Variants in COMMD2 observed in about 807,000 individuals in gnomAD.
COMMD2 encodes COMM domain containing 2.
Under a neutral mutation model 22.5 loss-of-function variants are expected in COMMD2, and 25 were observed. That is an observed-to-expected ratio of 1.11 (90% CI 0.81 to 1.55). The LOEUF is 1.55. COMMD2 is among the 40% of genes most tolerant of loss of function. COMMD2 has a pLI of 0.00. For missense variants in COMMD2, 223 were observed against 232.9 expected (o/e 0.96, Z 0.28); for synonymous variants, 98 against 91.2 (o/e 1.07, Z -0.42).
At position 149,752,212 on chromosome 3, in the gene COMMD2, G is replaced by C; in HGVS notation, c.143C>G (p.Ala48Gly). 1 of 1,613,716 alleles carries C rather than the reference G, an allele frequency of 6.2e-7. No homozygotes were observed. Among genetic ancestry groups the C allele is most frequent in the Non-Finnish European group, 8.5e-7 (1 of 1,179,740 alleles). The change falls in exon 2 of 5, where the codon GCC (alanine) becomes GGC (glycine). Residue 48 changes from alanine (A) to glycine (G), a missense_variant and splice_region_variant. Physicochemically the swap from Ala to Gly is moderately conservative, Grantham distance 60. Transcript: ENST00000473414. ...AGCCTTCCCCTTTCCCTTCTTACTG[G>C]CGGCGCCTTCGTAGATTTTTGGGTT... The part of the protein sequence containing the change: ...GANPKIYEGA[A>G]RKLNVSSDTV...
chr3:149,743,245 T>C (rs1269942538), intron 4 of COMMD2, among the ~76,000 whole-genome samples: 2 of 152,102 alleles, frequency 1.3e-5, no homozygotes, highest in African/African-American at 4.8e-5. Flanking sequence ...CACAAAACTA[T>C]AAACAATGAC....
In COMMD2 at chr3:149,751,443, T is replaced by C; in HGVS notation, c.188A>G (p.Glu63Gly). The change falls in exon 3 of 5, where the codon GAA (glutamate) becomes GGA (glycine). Residue 63 changes from glutamate to glycine, a missense_variant. By Grantham distance (98) the Glu-to-Gly change is moderately conservative. Transcript: ENST00000473414. ...VSSDTVQHGV[E>G]GLTYLLTESS... ...CTCAGTGAGGAGATACGTTAATCCT[T>C]CCACACCATGCTGGACAGTGTCACT... The C allele has an allele frequency of 6.2e-7, 1 of 1,613,984 alleles. No individual in the cohort carries two copies. Among genetic ancestry groups the C allele is most frequent in the Non-Finnish European group, 8.5e-7 (1 of 1,179,968 alleles).
In COMMD2 at chr3:149,750,706, T is replaced by A. The variant is rs1265199981; in HGVS notation, c.374A>T (p.His125Leu). 2 of 1,590,362 alleles carry A rather than the reference T, an allele frequency of 1.3e-6. No homozygotes were observed. ...SELAPSLPSY[H>L]NLEWRLDVQL... ...TACATCTAGTCGCCATTCAAGGTTA[T>A]GATAACTGGGAAGGCTTGGTGCCAA... The change falls in exon 4 of 5, where the codon CAT (histidine) becomes CTT (leucine). Residue 125 changes from histidine (H) to leucine (L), a missense_variant. Physicochemically the swap from His to Leu is moderately conservative, Grantham distance 99. Coordinates refer to ENST00000473414, the MANE Select transcript of COMMD2 (RefSeq NM_016094.4).
rs1716174129 is a variant in COMMD2, at chr3:149,740,234, G to C, written c.*1287C>G. ...AGGCTGACCTGACAAATCAGCACCT[G>C]AGTTTTTCAGACCAAAAGCTTTTGG... On this transcript the variant is annotated 3_prime_UTR_variant, in exon 5 of 5. Coordinates refer to ENST00000473414, the MANE Select transcript of COMMD2 (RefSeq NM_016094.4). 6.6e-6 allele frequency: 1 copy of C among 152,126 alleles called. No individual in the cohort carries two copies. Among genetic ancestry groups the C allele is most frequent in the Non-Finnish European group, 1.5e-5 (1 of 68,026 alleles). The allele number at this position is 152,126 out of a possible 1,614,324, so 9.4% of individuals were successfully genotyped here.
intron 1 of COMMD2, 32 bp downstream of exon 1, chr3:149,752,346 G>C: frequency 6.2e-7 from 1 of 1,613,872 alleles, no homozygotes; most frequent in Non-Finnish European, 8.5e-7. Context: ...CTCCTCCCCA[G>C]CCCACAGAAC....
intron 4 of COMMD2, among the ~76,000 whole-genome samples, chr3:149,742,403 T>C (rs1036350494): frequency 2.0e-5 from 3 of 152,192 alleles, no homozygotes; most frequent in African/African-American, 2.4e-5. Flanking sequence ...ACTAGGCATA[T>C]ACCTTAACCT....
At chr3:149,744,059 C>A (rs182261681) in intron 4 of COMMD2, among the ~76,000 whole-genome samples, 36 of 152,224 alleles carry the variant, frequency 2.4e-4, no homozygotes, top group Admixed American at 1.4e-3. Flanking sequence ...GACAGTACTA[C>A]AGGACAAAGA....
At position 149,741,398 on chromosome 3, in the gene COMMD2, T is replaced by C. The variant is rs921793396; in HGVS notation, c.*123A>G. ...TGATTATGACCTCAGTATCTTGGAA[T>C]AGATACTGAGGAATACTATGTATTT... On this transcript the variant is annotated 3_prime_UTR_variant, in exon 5 of 5. Coordinates refer to ENST00000473414, the MANE Select transcript of COMMD2 (RefSeq NM_016094.4). 8.7e-5 allele frequency: 69 copies of C among 791,146 alleles called. 1 individual carries two copies. In the Admixed American group the frequency reaches 8.7e-4, roughly 10 times the overall value. The allele number at this position is 791,146 out of a possible 1,614,324, so 49.0% of individuals were successfully genotyped here. A position where few individuals can be genotyped will look rare whatever the true frequency, so the allele number is the denominator to read the frequency against.
intron 4 of COMMD2, among the ~76,000 whole-genome samples, chr3:149,743,006 A>T (rs1716278175): frequency 6.6e-6 from 1 of 151,478 alleles, no homozygotes; most frequent in African/African-American, 2.4e-5. Flanking sequence ...AAAAGAAAAG[A>T]TTCACAGAAA....
intron 4 of COMMD2, 35 bp downstream of exon 4, chr3:149,750,643 T>A: frequency 1.4e-6 from 2 of 1,398,478 alleles, no homozygotes; most frequent in Non-Finnish European, 1.9e-6. Context: ...ATAATTCTTA[T>A]ATTCTATGTT....
chr3:149,749,181 A>G (rs138314197), intron 4 of COMMD2, among the ~76,000 whole-genome samples: 141 of 152,154 alleles, frequency 9.3e-4, no homozygotes, highest in Non-Finnish European at 1.6e-3. Flanking sequence ...TGCCCAGCTA[A>G]TTTTTGTATT....
chr3:149,742,671 TAAAGA>T (rs143819509), intron 4 of COMMD2, among the ~76,000 whole-genome samples: 5,336 of 152,066 alleles, frequency 0.035, 128 homozygotes, highest in Non-Finnish European at 0.054. Flanking sequence ...AAAAAAACTA[TAAAGA>T]AAAGATTAGG....
At chr3:149,743,467 A>C (rs1716290892) in intron 4 of COMMD2, among the ~76,000 whole-genome samples, 1 of 152,200 alleles carries the variant, frequency 6.6e-6, no homozygotes, top group African/African-American at 2.4e-5. Context: ...TGAGTAACAA[A>C]TCTAAACCTG....
intron 4 of COMMD2, among the ~76,000 whole-genome samples, chr3:149,744,707 ATT>A (rs1179180211): frequency 6.6e-6 from 1 of 152,178 alleles, no homozygotes; most frequent in Non-Finnish European, 1.5e-5. Flanking sequence ...TCTGATATGC[ATT>A]TCTCTATGAG....
Position 149,750,774 on chromosome 3 carries a change from A to C in COMMD2, c.306T>G (p.Leu102=). The C allele has an allele frequency of 6.2e-7, 1 of 1,607,308 alleles. No individual in the cohort carries two copies. The highest frequency in any genetic ancestry group is 1.1e-5 in the South Asian group (1 of 90,050). The part of the protein sequence containing the change: ...SEELNKLLLQ[L]YLDNRKEIRT... ...TGATCTCTTTTCTGTTGTCCAGATA[A>C]AGCTGAAGCAACAATTTGTTTAATT... Residue 102 remains leucine, a synonymous_variant, in exon 4 of 5, where the codon CTT becomes CTG. Coordinates refer to ENST00000473414, the MANE Select transcript of COMMD2 (RefSeq NM_016094.4).
At chr3:149,746,788 T>TA (rs974094932) in intron 4 of COMMD2, among the ~76,000 whole-genome samples, 4 of 151,510 alleles carry the variant, frequency 2.6e-5, no homozygotes, top group Non-Finnish European at 5.9e-5. Context: ...TCTCAAAAAA[T>TA]AAAAAAATGA....
chr3:149,746,652 A>G (rs963318693), intron 4 of COMMD2, among the ~76,000 whole-genome samples: 25 of 151,466 alleles, frequency 1.7e-4, no homozygotes, highest in African/African-American at 5.6e-4. Context: ...GTGTGCTGGC[A>G]CACGCCTGTA....
intron 4 of COMMD2, chr3:149,750,375 T>C (rs984846358): frequency 4.2e-6 from 2 of 471,430 alleles, no homozygotes; most frequent in African/African-American, 2.0e-5. Context: ...CTGTGCACTT[T>C]TCTACATCTG....
Position 149,752,296 on chromosome 3 carries a change from A to G in COMMD2, c.68-9T>C. The G allele has an allele frequency of 1.9e-6, 3 of 1,614,062 alleles. No homozygotes were observed. On this transcript the variant is annotated splice_polypyrimidine_tract_variant and intron_variant, in intron 1 of 4. Transcript: ENST00000473414. ...CCCAAACTCGGCGACCACTGCAATG[A>G]AAGTCAGAAGGCTGTTGAGTGCCAG...
Sources: gnomAD v4.1 joint callset for allele counts (sites outside exome capture counted in the v4.1 genomes callset) on GRCh38, gnomAD v4.1.1 for gene constraint, MANE v1.5 for transcripts, NCBI Gene and HGNC (gene_info 2026-07-23, HGNC 2026-07-21) for gene names.